FSIP2: variants seen among roughly 807,000 people sequenced by gnomAD.
FSIP2 encodes the protein fibrous sheath interacting protein 2.
Under a neutral mutation model 510.5 loss-of-function variants are expected in FSIP2, and 367 were observed. The observed-to-expected ratio is 0.72, with a 90% confidence interval of 0.66 to 0.78. The LOEUF is 0.78. FSIP2 is among the 30% of genes least tolerant of loss of function. The pLI, the probability that FSIP2 is intolerant of heterozygous loss-of-function variation, is 0.00. For synonymous variants in FSIP2, 2,601 were observed against 2,732.2 expected (o/e 0.95, Z 1.50); for missense variants, 7,594 against 7,901.7 (o/e 0.96, Z 1.48).
rs1406007086 is a variant in FSIP2, at chr2:185,796,664, G to A, written c.9528G>A (p.Leu3176=). 3.3e-6 allele frequency: 5 copies of A among 1,534,946 alleles called. No individual in the cohort carries two copies. In the African/African-American group the frequency reaches 4.1e-5, roughly 13 times the overall value. ...CATCAAAGTTAAAGGAAGGTAGTTT[G>A]GGGATTAATCCTTCACAAGTGAGTA... ...MFTSKLKEGS[L]GINPSQVSKT... is the part of the protein sequence containing the mutation. Residue 3176 remains leucine, a synonymous_variant, in exon 16 of 23, where the codon TTG becomes TTA. Transcript: ENST00000424728.
chr2:185,795,113 C>T lies in FSIP2; in HGVS notation c.7977C>T (p.Cys2659=). The T allele has an allele frequency of 6.5e-7, 1 of 1,534,886 alleles. No homozygotes were observed. Among genetic ancestry groups the T allele is most frequent in the Non-Finnish European group, 8.7e-7 (1 of 1,146,112 alleles). ...GCCCTAAGGACAACCCTAAGCCATG[C>T]TTTAAAGCACATTTAAAAACAAGAT... ...KVSPKDNPKP[C]FKAHLKTRSK... is the part of the protein sequence containing the mutation. Residue 2659 remains cysteine, a synonymous_variant, in exon 16 of 23, where the codon TGC becomes TGT. Transcript: ENST00000424728.
At chr2:185,754,685 A>G (rs939881796) in intron 8 of FSIP2, among the ~76,000 whole-genome samples, 1 of 151,496 alleles carries the variant, frequency 6.6e-6, no homozygotes, top group Non-Finnish European at 1.5e-5. Flanking sequence ...CAGCATCTAG[A>G]GTTCAGTCTT....
At chr2:185,816,855 CAGAGAGAGAGAG>C (rs58545522) in intron 19 of FSIP2, among the ~76,000 whole-genome samples, 1 of 140,304 alleles carries the variant, frequency 7.1e-6, no homozygotes, top group East Asian at 2.1e-4. Flanking sequence ...AACTCTGAGA[CAGAGAGAGAGAG>C]AGAGAGAGAG....
chr2:185,826,672 T>C (rs1167248216), intron 20 of FSIP2, among the ~76,000 whole-genome samples: 1 of 151,836 alleles, frequency 6.6e-6, no homozygotes, highest in Non-Finnish European at 1.5e-5. Flanking sequence ...AAGGTGGAGA[T>C]TTATGTCTGT....
At chr2:185,751,124 T>G (rs953768012) in intron 7 of FSIP2, among the ~76,000 whole-genome samples, 1 of 151,556 alleles carries the variant, frequency 6.6e-6, no homozygotes, top group African/African-American at 2.4e-5. Flanking sequence ...ATTGTTCAAA[T>G]CCAAGTCCTA....
Position 185,761,964 on chromosome 2 carries a change from C to A in FSIP2, c.1195-8C>A. 6.9e-7 allele frequency: 1 copy of A among 1,451,656 alleles called. No individual in the cohort carries two copies. The highest frequency in any genetic ancestry group is 9.3e-7 in the Non-Finnish European group (1 of 1,077,198). The allele number at this position is 1,451,656 out of a possible 1,614,324, so 89.9% of individuals were successfully genotyped here. On this transcript the variant is annotated splice_polypyrimidine_tract_variant and splice_region_variant and intron_variant, in intron 10 of 22. Transcript: ENST00000424728. Reference sequence around the variant, plus strand: ...GTAATTTTTTCTCTTCAATGTGGTACCATGTAGAGAGATGGGATGGTATCT... The same window carrying A: ...GTAATTTTTTCTCTTCAATGTGGTAACATGTAGAGAGATGGGATGGTATCT...
chr2:185,794,960 C>G lies in FSIP2; in HGVS notation c.7824C>G (p.Val2608=). The change falls in exon 16 of 23, where the codon GTC becomes GTG. Residue 2608 remains valine, a synonymous_variant. Transcript: ENST00000424728. ...RYAISQAYSY[V]DSQNISVMEN... Reference sequence around the variant, plus strand: ...CGATATCACAGGCTTATTCTTATGTCGACAGTCAAAATATCTCTGTGATGG... The same window carrying G: ...CGATATCACAGGCTTATTCTTATGTGGACAGTCAAAATATCTCTGTGATGG... 6.5e-7 allele frequency: 1 copy of G among 1,532,980 alleles called. No individual in the cohort carries two copies. Among genetic ancestry groups the G allele is most frequent in the Non-Finnish European group, 8.7e-7 (1 of 1,144,762 alleles). 95.0% of individuals were successfully genotyped at this position (1,532,980 alleles called of 1,614,324 possible). A position where few individuals can be genotyped will look rare whatever the true frequency, so the allele number is the denominator to read the frequency against.
At position 185,801,907 on chromosome 2, in the gene FSIP2, A is replaced by G. The variant is rs573141311; in HGVS notation, c.12601A>G (p.Asn4201Asp). 2 of 1,495,150 alleles carry G rather than the reference A, an allele frequency of 1.3e-6. No homozygotes were observed. The highest frequency in any genetic ancestry group is 4.9e-5 in the East Asian group (2 of 40,634). The allele number at this position is 1,495,150 out of a possible 1,614,324, so 92.6% of individuals were successfully genotyped here. The change falls in exon 17 of 23, where the codon AAT becomes GAT. Residue 4201 changes from asparagine to aspartate, a missense_variant. Coordinates refer to ENST00000424728, the MANE Select transcript of FSIP2 (RefSeq NM_173651.4). The stretch of plus-strand genomic sequence containing the variant: ...TAAAATCTGGTTCACTATATATGAT[A>G]ATCAATATCTATATACTGGAAAAAA... ...KHKIWFTIYD[N>D]QYLYTGKNLQ... is the part of the protein sequence containing the mutation.
At chr2:185,782,885 A>ACTT (rs1692883575) in intron 14 of FSIP2, 123 bp downstream of exon 14, 1 of 646,686 alleles carries the variant, frequency 1.5e-6, no homozygotes, top group African/African-American at 1.8e-5. Flanking sequence ...ATTTAGTGAA[A>ACTT]CTTAGTCTTT....
rs893621441 is a variant in FSIP2 at position 185,801,430 on chromosome 2, A to G, written c.12124A>G (p.Thr4042Ala). ...RLCFPPVHTE[T>A]VSKIVDSVYY... ...GTGTTTTCCACCAGTTCATACAGAA[A>G]CTGTTAGCAAAATTGTTGACTCAGT... Residue 4042 changes from threonine to alanine, a missense_variant, in exon 17 of 23, where the codon ACT (threonine) becomes GCT (alanine). Thr to Ala is a moderately conservative substitution (Grantham distance 58). Coordinates refer to ENST00000424728, the MANE Select transcript of FSIP2 (RefSeq NM_173651.4). 1.6e-5 allele frequency: 24 copies of G among 1,533,920 alleles called. No individual in the cohort carries two copies. In the African/African-American group the frequency reaches 2.9e-4, roughly 18 times the overall value.
rs1191158421 is a variant in FSIP2, at chr2:185,800,365, C to G, written c.11059C>G (p.Leu3687Val). 3 of 1,527,226 alleles carry G rather than the reference C, an allele frequency of 2.0e-6. No individual in the cohort carries two copies. In the African/African-American group the frequency reaches 4.1e-5, roughly 21 times the overall value. The allele number at this position is 1,527,226 out of a possible 1,614,324, so 94.6% of individuals were successfully genotyped here. ...ACKLNSLVGN[L>V]KTSESKEVVN... ...TAAGTTAAACAGCCTGGTTGGTAAC[C>G]TAAAAACAAGTGAATCCAAAGAAGT... The change falls in exon 17 of 23, where the codon CTA (leucine) becomes GTA (valine). Residue 3687 changes from leucine to valine, a missense_variant. Coordinates refer to ENST00000424728, the MANE Select transcript of FSIP2 (RefSeq NM_173651.4).
chr2:185,815,297 G>T, intron 18 of FSIP2, 74 bp from the exon 19 acceptor site: 1 of 722,804 alleles, frequency 1.4e-6, no homozygotes, highest in East Asian at 2.7e-5. Context: ...AGATTATACT[G>T]CAAAAAATGC....
In FSIP2 at chr2:185,813,962, G is replaced by C. The variant is rs1170955750; in HGVS notation, c.20245G>C (p.Val6749Leu). The change falls in exon 18 of 23, where the codon GTT becomes CTT. Residue 6749 changes from valine to leucine, a missense_variant. Physicochemically the swap from Val to Leu is conservative, Grantham distance 32. Transcript: ENST00000424728. The part of the protein sequence containing the change: ...ESKETHVKRA[V>L]AELDMATPKT... The stretch of plus-strand genomic sequence containing the variant: ...CAAGGAGACACATGTTAAAAGAGCT[G>C]TTGCTGAGCTTGACATGGCCACACC... 6.2e-7 allele frequency: 1 copy of C among 1,613,512 alleles called. No individual in the cohort carries two copies. Among genetic ancestry groups the C allele is most frequent in the Non-Finnish European group, 8.5e-7 (1 of 1,179,666 alleles).
At chr2:185,758,338 C>A (rs1692284156) in intron 9 of FSIP2, among the ~76,000 whole-genome samples, 1 of 150,902 alleles carries the variant, frequency 6.6e-6, no homozygotes, top group African/African-American at 2.4e-5. Flanking sequence ...GGACCCCTTG[C>A]ACAGTAAAAA....
At chr2:185,778,494 G>T (rs1406568359) in intron 13 of FSIP2, among the ~76,000 whole-genome samples, 1 of 151,688 alleles carries the variant, frequency 6.6e-6, no homozygotes, top group East Asian at 1.9e-4. Flanking sequence ...TTATTAGTTT[G>T]TACCCATGAG....
Position 185,803,293 on chromosome 2 carries a change from C to G in FSIP2, c.13987C>G (p.His4663Asp). Reference sequence around the variant, plus strand: ...GTTTGAGAAAGCTGAAGAACTCATACATTTGATTACAGGGGAATTCTCAAA... The same window carrying G: ...GTTTGAGAAAGCTGAAGAACTCATAGATTTGATTACAGGGGAATTCTCAAA... ...ELFEKAEELI[H>D]LITGEFSKAQ... Residue 4663 changes from histidine (H) to aspartate (D), a missense_variant, in exon 17 of 23, where the codon CAT becomes GAT. Transcript: ENST00000424728. 6.6e-7 allele frequency: 1 copy of G among 1,526,206 alleles called. No homozygotes were observed. Among genetic ancestry groups the G allele is most frequent in the Non-Finnish European group, 8.8e-7 (1 of 1,142,654 alleles). The allele number at this position is 1,526,206 out of a possible 1,614,324, so 94.5% of individuals were successfully genotyped here.
Position 185,800,370 on chromosome 2 carries a change from A to G in FSIP2, c.11064A>G (p.Lys3688=), listed in dbSNP as rs1693404704. The G allele has an allele frequency of 2.0e-6, 3 of 1,527,494 alleles. No homozygotes were observed. The highest frequency in any genetic ancestry group is 2.6e-6 in the Non-Finnish European group (3 of 1,143,838). The allele number at this position is 1,527,494 out of a possible 1,614,324, so 94.6% of individuals were successfully genotyped here. ...TAAACAGCCTGGTTGGTAACCTAAA[A>G]ACAAGTGAATCCAAAGAAGTAGTCA... ...CKLNSLVGNL[K]TSESKEVVNK... is the part of the protein sequence containing the mutation. Residue 3688 remains lysine, a synonymous_variant, in exon 17 of 23, where the codon AAA becomes AAG. Coordinates refer to ENST00000424728, the MANE Select transcript of FSIP2 (RefSeq NM_173651.4).
intron 13 of FSIP2, among the ~76,000 whole-genome samples, chr2:185,781,295 T>C (rs1692843738): frequency 6.6e-6 from 1 of 152,230 alleles, no homozygotes; most frequent in African/African-American, 2.4e-5. Context: ...TATTATAAAG[T>C]AGGCTTTGTG....
chr2:185,825,433 A>G (rs1287412585), intron 20 of FSIP2, among the ~76,000 whole-genome samples: 1 of 151,782 alleles, frequency 6.6e-6, no homozygotes, highest in Non-Finnish European at 1.5e-5. Context: ...GGACACCAGA[A>G]GGGAGGAGGG....
Sources: gnomAD v4.1 joint callset for allele counts (sites outside exome capture counted in the v4.1 genomes callset) on GRCh38, gnomAD v4.1.1 for gene constraint, MANE v1.5 for transcripts, NCBI Gene and HGNC (gene_info 2026-07-23, HGNC 2026-07-21) for gene names.